Variants in PTPRD observed in about 807,000 individuals in gnomAD.
The protein encoded by PTPRD is protein tyrosine phosphatase receptor type D.
Under a neutral mutation model 214.5 loss-of-function variants are expected in PTPRD, and 34 were observed. The ratio of observed to expected loss-of-function variants is 0.16; its 90% confidence interval spans 0.12 to 0.21. The LOEUF (loss-of-function observed/expected upper bound fraction) is 0.21. PTPRD is among the 10% of genes least tolerant of loss of function. The pLI is 1.00. For missense variants in PTPRD, 2,545 were observed against 2,398.7 expected, an observed-to-expected ratio of 1.06 and a Z score of -1.27; for synonymous variants, 1,128 against 845.7, an observed-to-expected ratio of 1.33 and a Z score of -5.79.
chr9:9,687,832 C>T (rs2097192694), intron 7 of PTPRD, among the ~76,000 whole-genome samples: 1 of 151,696 alleles, frequency 6.6e-6, no homozygotes, highest in Admixed American at 6.6e-5. Flanking sequence ...CACACAGATA[C>T]ATTATTATGG....
At chr9:9,814,833 T>C (rs937128391) in intron 5 of PTPRD, among the ~76,000 whole-genome samples, 1 of 139,502 alleles carries the variant, frequency 7.2e-6, no homozygotes, top group African/African-American at 2.6e-5. Context: ...AGAATTTCAC[T>C]CTGTCACATG....
At chr9:9,215,333 A>AG (rs2099951474) in intron 9 of PTPRD, among the ~76,000 whole-genome samples, 1 of 152,178 alleles carries the variant, frequency 6.6e-6, no homozygotes, top group African/African-American at 2.4e-5. Flanking sequence ...GAGCTACAAG[A>AG]GAACTGGATT....
At chr9:9,403,221 G>A (rs2071588786) in intron 8 of PTPRD, among the ~76,000 whole-genome samples, 1 of 144,022 alleles carries the variant, frequency 6.9e-6, no homozygotes, top group Admixed American at 7.2e-5. Flanking sequence ...CACTCAGGAG[G>A]CAGAGGTCTC....
intron 5 of PTPRD, among the ~76,000 whole-genome samples, chr9:9,938,190 A>C (rs1185758213): frequency 6.6e-6 from 1 of 152,100 alleles, no homozygotes; most frequent in Non-Finnish European, 1.5e-5. Flanking sequence ...TCACTACTAC[A>C]AACAGCTTTC....
At chr9:9,762,533 A>G (rs1183408) in intron 6 of PTPRD, among the ~76,000 whole-genome samples, 18,718 of 152,152 alleles carry the variant, frequency 0.12, 1,928 homozygotes, top group African/African-American at 0.28. Context: ...CCACCCTTTC[A>G]ACACTTTGCT....
At chr9:9,946,224 C>A (rs2092536714) in intron 4 of PTPRD, among the ~76,000 whole-genome samples, 1 of 152,124 alleles carries the variant, frequency 6.6e-6, no homozygotes, top group African/African-American at 2.4e-5. Flanking sequence ...AATTATACAT[C>A]TTGCTCATTC....
intron 2 of PTPRD, among the ~76,000 whole-genome samples, chr9:10,440,159 A>G (rs992747960): frequency 5.9e-5 from 9 of 151,634 alleles, no homozygotes; most frequent in African/African-American, 2.2e-4. Flanking sequence ...GCAATATAAT[A>G]AATGTACTTT....
Position 10,289,542 on chromosome 9 carries a change from T to C in PTPRD, c.-545+51421A>G, listed in dbSNP as rs531035104. 8.3e-4 allele frequency among the ~76,000 whole-genome samples: 127 copies of C among 152,212 alleles called. 1 individual carries two copies. The highest frequency in any genetic ancestry group is 2.8e-3 in the African/African-American group (116 of 41,546). ...ATCTGAAAGATGAGTGAAAATAACC[T>C]GGTAGGTTGCTTCCCCTACCGCCCC... On this transcript the variant is annotated intron_variant, in intron 3 of 45. Coordinates refer to ENST00000381196, the MANE Select transcript of PTPRD (RefSeq NM_002839.4).
Position 8,733,897 on chromosome 9 carries a change from C to G in PTPRD, c.-54G>C. On this transcript the variant is annotated 5_prime_UTR_variant, in exon 12 of 46. Coordinates refer to ENST00000381196, the MANE Select transcript of PTPRD (RefSeq NM_002839.4). The stretch of plus-strand genomic sequence containing the variant: ...CAGCTTGGAATCACTGCCTCCGGAG[C>G]CGCAGCGAGTCTGTCCGATCTGAAA... 7 of 1,519,300 alleles carry G rather than the reference C, an allele frequency of 4.6e-6. No individual in the cohort carries two copies. Among genetic ancestry groups the G allele is most frequent in the Non-Finnish European group, 6.2e-6 (7 of 1,122,862 alleles). The allele number at this position is 1,519,300 out of a possible 1,614,324, so 94.1% of individuals were successfully genotyped here.
At chr9:10,052,246 A>T (rs1387696088) in intron 3 of PTPRD, among the ~76,000 whole-genome samples, 1 of 152,204 alleles carries the variant, frequency 6.6e-6, no homozygotes, top group Non-Finnish European at 1.5e-5. Flanking sequence ...GCCTTTACAA[A>T]TCAATACTGC....
intron 11 of PTPRD, among the ~76,000 whole-genome samples, chr9:8,921,220 G>A (rs1231480494): frequency 6.6e-6 from 1 of 152,138 alleles, no homozygotes; most frequent in Non-Finnish European, 1.5e-5. Flanking sequence ...ATTCAAAGTA[G>A]GAACAGAACT....
intron 9 of PTPRD, among the ~76,000 whole-genome samples, chr9:9,376,092 T>C (rs748462063): frequency 6.6e-6 from 1 of 152,158 alleles, no homozygotes; most frequent in Non-Finnish European, 1.5e-5. Context: ...ATTTAGTAGA[T>C]CTTAACATTC....
chr9:10,147,091 G>A (rs1040106686), intron 3 of PTPRD, among the ~76,000 whole-genome samples: 6 of 152,084 alleles, frequency 3.9e-5, no homozygotes, highest in African/African-American at 1.4e-4. Flanking sequence ...AACTAAACCA[G>A]TTACTTACAG....
At chr9:9,213,977 G>A (rs1352647258) in intron 9 of PTPRD, among the ~76,000 whole-genome samples, 2 of 151,226 alleles carry the variant, frequency 1.3e-5, no homozygotes, top group Admixed American at 1.3e-4. Flanking sequence ...TTTCTTACTG[G>A]GCATGATAAT....
At chr9:8,330,418 A>G (rs538840115) in intron 44 of PTPRD, among the ~76,000 whole-genome samples, 1 of 152,192 alleles carries the variant, frequency 6.6e-6, no homozygotes, top group Non-Finnish European at 1.5e-5. Flanking sequence ...ATGCACTGGG[A>G]AACCAAAAAG....
chr9:8,635,145 A>T (rs1203314000), intron 13 of PTPRD, among the ~76,000 whole-genome samples: 1 of 149,606 alleles, frequency 6.7e-6, no homozygotes, highest in Non-Finnish European at 1.5e-5. Flanking sequence ...CAGTTTGATG[A>T]AGCTGCTTTG....
chr9:9,450,321 T>G (rs1397157989), intron 8 of PTPRD, among the ~76,000 whole-genome samples: 1 of 152,026 alleles, frequency 6.6e-6, no homozygotes, highest in Non-Finnish European at 1.5e-5. Context: ...GTTCTACTTT[T>G]ATTTCTTTAG....
intron 2 of PTPRD, among the ~76,000 whole-genome samples, chr9:10,547,512 C>A (rs2060412593): frequency 1.3e-5 from 2 of 151,834 alleles, no homozygotes; most frequent in Non-Finnish European, 2.9e-5. Flanking sequence ...GCAACTTTGA[C>A]CTGTGAGATT....
chr9:9,479,731 A>AAAAAC (rs60632035), intron 8 of PTPRD, among the ~76,000 whole-genome samples: 99,881 of 149,998 alleles, frequency 0.67, 33,364 homozygotes, highest in South Asian at 0.74. Flanking sequence ...CAGCAAAAAC[A>AAAAAC]AAAACAAAAC....
Sources: allele counts gnomAD v4.1 joint callset (sites outside exome capture counted in the v4.1 genomes callset), GRCh38; gene constraint gnomAD v4.1.1; transcripts MANE v1.5; gene names NCBI Gene and HGNC (gene_info 2026-07-23, HGNC 2026-07-21).